ADGRG6: variants seen among roughly 807,000 people sequenced by gnomAD.
The protein encoded by ADGRG6 is G-protein coupled receptor 126.
A neutral mutation model predicts 142.4 loss-of-function variants in ADGRG6; 84 were observed. The ratio of observed to expected loss-of-function variants is 0.59; its 90% CI spans 0.49 to 0.71. The LOEUF (loss-of-function observed/expected upper bound fraction) is 0.71, where lower values mean the gene tolerates loss of function less well. ADGRG6 is among the 30% of genes least tolerant of loss of function. The probability of loss-of-function intolerance (pLI) is 0.00; values close to 1 mark genes in which losing one functional copy is unlikely to be tolerated. For synonymous variants in ADGRG6, 521 were observed against 520.5 expected (o/e 1.00, Z -0.01); for missense variants, 1,367 against 1,466.6 (o/e 0.93, Z 1.11).
chr6:142,419,542 C>G (rs1041499209), intron 21 of ADGRG6, among the ~76,000 whole-genome samples: 1 of 152,086 alleles, frequency 6.6e-6, no homozygotes. Flanking sequence ...AACAAGTCAG[C>G]CAAGAGTGTT....
At chr6:142,367,207 C>A (rs1470205333) in intron 2 of ADGRG6, among the ~76,000 whole-genome samples, 1 of 152,086 alleles carries the variant, frequency 6.6e-6, no homozygotes, top group Non-Finnish European at 1.5e-5. Context: ...GGTCAGTGAA[C>A]CTTTGTGAAA....
chr6:142,320,657 A>G (rs1778468655), intron 2 of ADGRG6, among the ~76,000 whole-genome samples: 1 of 152,118 alleles, frequency 6.6e-6, no homozygotes, highest in Non-Finnish European at 1.5e-5. Flanking sequence ...TAATAGCAAA[A>G]TCAGGCAGAG....
intron 19 of ADGRG6, 146 bp from the exon 20 acceptor site, chr6:142,415,650 C>A: frequency 1.7e-6 from 1 of 596,796 alleles, no homozygotes; most frequent in Non-Finnish European, 2.9e-6. Context: ...TATCCTTAGC[C>A]CCTCCTTTTA....
intron 4 of ADGRG6, among the ~76,000 whole-genome samples, chr6:142,371,543 T>G (rs116455901): frequency 0.024 from 3,550 of 149,472 alleles, 183 homozygotes; most frequent in African/African-American, 0.083. Context: ...GAGTGCAGTG[T>G]CATGAGATCT....
chr6:142,405,367 G>A (rs1209044224), intron 14 of ADGRG6: 1 of 477,708 alleles, frequency 2.1e-6, no homozygotes, highest in Non-Finnish European at 4.1e-6. Context: ...TACGTGTTTT[G>A]AGAAAACCTC....
intron 2 of ADGRG6, among the ~76,000 whole-genome samples, chr6:142,339,109 T>G (rs1199738798): frequency 1.3e-5 from 2 of 152,218 alleles, no homozygotes; most frequent in African/African-American, 4.8e-5. Context: ...TCTCAGGTGT[T>G]AACTTAAATA....
Position 142,370,607 on chromosome 6 carries a change from T to C in ADGRG6, c.883T>C (p.Ser295Pro), listed in dbSNP as rs1484232923. The C allele has an allele frequency of 6.2e-7, 1 of 1,613,108 alleles. No homozygotes were observed. Reference sequence around the variant, plus strand: ...TGGGAATGGGAAATTGTTGTTGGGCTCCAATCAAAATGAAATTGTCTCTCT... The same window carrying C: ...TGGGAATGGGAAATTGTTGTTGGGCCCCAATCAAAATGAAATTGTCTCTCT... ...IPGNGKLLLG[S>P]NQNEIVSLKG... Residue 295 changes from serine to proline, a missense_variant, in exon 4 of 25, where the codon TCC becomes CCC. By Grantham distance (74) the Ser-to-Pro change is moderately conservative (BLOSUM62 -1). Around this residue, in one of 3 missense-constraint regions of ADGRG6, gnomAD observed 737 missense variants for 746.5 expected, o/e 0.99. Transcript: ENST00000367609.
chr6:142,318,193 ATT>A (rs1491450160), intron 2 of ADGRG6, among the ~76,000 whole-genome samples: 3 of 49,614 alleles, frequency 6.0e-5, no homozygotes, highest in Non-Finnish European at 1.1e-4. Flanking sequence ...TATATTATAT[ATT>A]TATATTATAT....
At chr6:142,364,794 AG>A (rs1780871142) in intron 2 of ADGRG6, among the ~76,000 whole-genome samples, 1 of 152,182 alleles carries the variant, frequency 6.6e-6, no homozygotes, top group Non-Finnish European at 1.5e-5. Flanking sequence ...GGATTGCTTG[AG>A]CCCAGTAGTT....
chr6:142,362,496 T>G (rs1388642652), intron 2 of ADGRG6, among the ~76,000 whole-genome samples: 1 of 152,094 alleles, frequency 6.6e-6, no homozygotes, highest in South Asian at 2.1e-4. Flanking sequence ...CCTCCTCAAG[T>G]GTAGAAATGC....
chr6:142,343,438 T>A (rs754642050), intron 2 of ADGRG6, among the ~76,000 whole-genome samples: 27 of 151,768 alleles, frequency 1.8e-4, no homozygotes, highest in Non-Finnish European at 3.5e-4. Flanking sequence ...ACTAAAGACC[T>A]TTACTTACTC....
chr6:142,364,725 C>T (rs529819526), intron 2 of ADGRG6, among the ~76,000 whole-genome samples: 66 of 152,168 alleles, frequency 4.3e-4, no homozygotes, highest in African/African-American at 1.5e-3. Flanking sequence ...TTCTTATACC[C>T]GTGGGTAGGC....
chr6:142,389,956 G>A (rs528870449), intron 6 of ADGRG6, among the ~76,000 whole-genome samples: 1 of 151,850 alleles, frequency 6.6e-6, no homozygotes, highest in South Asian at 2.1e-4. Flanking sequence ...ACACATTACA[G>A]ACAGTAGATA....
At chr6:142,374,886 T>A (rs1231211926) in intron 4 of ADGRG6, among the ~76,000 whole-genome samples, 1 of 152,228 alleles carries the variant, frequency 6.6e-6, no homozygotes, top group Non-Finnish European at 1.5e-5. Context: ...ACTTTCATTG[T>A]TATCTCATAT....
rs375001083 is a variant in ADGRG6, at chr6:142,383,834, C to G, written c.1213C>G (p.Gln405Glu). ...GCCTGTTACTAACAGAATCGATAAA[C>G]AAAGGAATGGTAAGAAATCATTACC... ...NMPVTNRIDK[Q>E]RNDGIIYRIS... Residue 405 changes from glutamine (Q) to glutamate (E), a missense_variant, in exon 6 of 25, where the codon CAA becomes GAA. Gln to Glu is a conservative substitution (Grantham distance 29). This residue lies in a region of ADGRG6 where 737 missense variants were observed against 746.5 expected (regional missense o/e 0.99). Coordinates refer to ENST00000367609, the MANE Select transcript of ADGRG6 (RefSeq NM_198569.3). 6.6e-7 allele frequency: 1 copy of G among 1,512,672 alleles called. No individual in the cohort carries two copies. Among genetic ancestry groups the G allele is most frequent in the Admixed American group, 1.7e-5 (1 of 59,678 alleles). The allele number at this position is 1,512,672 out of a possible 1,614,324, so 93.7% of individuals were successfully genotyped here.
intron 18 of ADGRG6, among the ~76,000 whole-genome samples, chr6:142,414,495 G>C (rs528158912): frequency 6.6e-6 from 1 of 152,188 alleles, no homozygotes; most frequent in Admixed American, 6.5e-5. Context: ...GGCAGTCACA[G>C]CACCAGCACC....
intron 2 of ADGRG6, among the ~76,000 whole-genome samples, chr6:142,323,293 GA>G (rs960168171): frequency 6.6e-6 from 1 of 151,918 alleles, no homozygotes; most frequent in Non-Finnish European, 1.5e-5. Flanking sequence ...ATAATTTGAA[GA>G]AGTACGATAT....
At chr6:142,365,147 A>C (rs998013091) in intron 2 of ADGRG6, among the ~76,000 whole-genome samples, 1 of 152,210 alleles carries the variant, frequency 6.6e-6, no homozygotes, top group Non-Finnish European at 1.5e-5. Flanking sequence ...TCCTGAGCCC[A>C]AGGCAAAGTA....
chr6:142,329,845 T>G (rs1323888457), intron 2 of ADGRG6, among the ~76,000 whole-genome samples: 1 of 152,164 alleles, frequency 6.6e-6, no homozygotes, highest in Non-Finnish European at 1.5e-5. Flanking sequence ...ATGACAACAG[T>G]CACATATCTG....
Sources: allele counts gnomAD v4.1 joint callset (sites outside exome capture counted in the v4.1 genomes callset), GRCh38; gene constraint gnomAD v4.1.1; regional missense constraint gnomAD v4.1.1; transcripts MANE v1.5; gene names NCBI Gene and HGNC (gene_info 2026-07-23, HGNC 2026-07-21).